Variants in RALGAPA2 observed in about 807,000 individuals in gnomAD.
The protein encoded by RALGAPA2 is Ral GTPase activating protein catalytic subunit alpha 2.
Under a neutral mutation model 230.4 loss-of-function variants are expected in RALGAPA2, and 139 were observed. That is an observed-to-expected ratio of 0.60 (90% CI 0.53 to 0.69). The LOEUF is 0.69. Among genes scored for constraint, RALGAPA2 ranks in the 30% least tolerant of loss-of-function variants. The pLI is 0.00. For missense variants in RALGAPA2, 2,163 were observed against 2,276.0 expected, an observed-to-expected ratio of 0.95 and a Z score of 1.01; for synonymous variants, 847 against 837.8, an observed-to-expected ratio of 1.01 and a Z score of -0.19.
At chr20:20,640,394 T>C (rs1193194293) in intron 6 of RALGAPA2, among the ~76,000 whole-genome samples, 1 of 152,188 alleles carries the variant, frequency 6.6e-6, no homozygotes, top group Non-Finnish European at 1.5e-5. Context: ...TGGAGTTTAA[T>C]CTCATTAACA....
At chr20:20,472,178 G>C (rs1236186221) in intron 37 of RALGAPA2, 2 of 152,092 alleles carry the variant, frequency 1.3e-5, no homozygotes, top group African/African-American at 4.8e-5. Context: ...AAAAATTTTA[G>C]GAGTGAAATT....
chr20:20,633,238 G>A (rs762878340), intron 9 of RALGAPA2, among the ~76,000 whole-genome samples: 5 of 151,862 alleles, frequency 3.3e-5, no homozygotes, highest in Admixed American at 6.6e-5. Flanking sequence ...AGGTTCAAGC[G>A]ATTCTCCTGC....
chr20:20,420,938 G>C (rs2060263227), intron 37 of RALGAPA2, among the ~76,000 whole-genome samples: 1 of 152,158 alleles, frequency 6.6e-6, no homozygotes, highest in African/African-American at 2.4e-5. Flanking sequence ...GGCCGCTTTT[G>C]GTATAGAGGA....
chr20:20,521,142 C>A, intron 30 of RALGAPA2, 42 bp from the exon 31 acceptor site: 1 of 1,503,656 alleles, frequency 6.7e-7, no homozygotes. Context: ...TGCTACTCAC[C>A]GCGTGTCCCC....
intron 14 of RALGAPA2, among the ~76,000 whole-genome samples, chr20:20,610,439 G>T (rs1687243012): frequency 6.6e-6 from 1 of 152,116 alleles, no homozygotes; most frequent in South Asian, 2.1e-4. Context: ...CACATGAGAT[G>T]CAAGAAGCAC....
In RALGAPA2 at chr20:20,495,279, C is replaced by T. The variant is rs773014673; in HGVS notation, c.5209-4G>A. On this transcript the variant is annotated splice_polypyrimidine_tract_variant and splice_region_variant and intron_variant, in intron 35 of 39. Coordinates refer to ENST00000202677, the MANE Select transcript of RALGAPA2 (RefSeq NM_020343.4). ...CGTCATTCCCCAAGTGACGAAGCTG[C>T]AACAGCAAATTGACTGTTTATTAAT... The T allele has an allele frequency of 1.3e-4, 203 of 1,515,398 alleles. No homozygotes were observed. The highest frequency in any genetic ancestry group is 1.8e-4 in the Non-Finnish European group (197 of 1,114,626). 93.9% of individuals were successfully genotyped at this position (1,515,398 alleles called of 1,614,324 possible). A position where few individuals can be genotyped will look rare whatever the true frequency, so the allele number is the denominator to read the frequency against.
At chr20:20,632,202 T>C (rs2066699669) in intron 9 of RALGAPA2, among the ~76,000 whole-genome samples, 1 of 151,016 alleles carries the variant, frequency 6.6e-6, no homozygotes, top group Non-Finnish European at 1.5e-5. Context: ...TTTTTTTGTA[T>C]TTTTTTTTCA....
chr20:20,575,396 G>A (rs916733005), intron 20 of RALGAPA2, among the ~76,000 whole-genome samples: 3 of 150,698 alleles, frequency 2.0e-5, no homozygotes, highest in Non-Finnish European at 4.4e-5. Context: ...ATATATGTAT[G>A]TTGAGTTTGT....
At chr20:20,487,912 GAA>G (rs79112449) in intron 36 of RALGAPA2, among the ~76,000 whole-genome samples, 14 of 109,758 alleles carry the variant, frequency 1.3e-4, no homozygotes, top group African/African-American at 2.4e-4. Flanking sequence ...ACTCGGTCTC[GAA>G]AAAAAAAAAA....
intron 7 of RALGAPA2, among the ~76,000 whole-genome samples, chr20:20,638,748 A>G (rs1430615198): frequency 6.6e-6 from 1 of 152,208 alleles, no homozygotes; most frequent in Non-Finnish European, 1.5e-5. Context: ...TTTCCAGAAT[A>G]TGAAAGCATG....
At position 20,485,045 on chromosome 20, in the gene RALGAPA2, A is replaced by ATT. The variant is rs777649458; in HGVS notation, c.5367+10070_5367+10071dup. On this transcript the variant is annotated intron_variant, in intron 36 of 39. Transcript: ENST00000202677. ...CGGAACTTTCTTAAAACATTATGAG[A>ATT]TTTTTTTTTTTTTTTGCAATTTTTT... 1.1e-3 allele frequency among the ~76,000 whole-genome samples: 149 copies of ATT among 137,444 alleles called. 1 individual carries two copies. Among genetic ancestry groups the ATT allele is most frequent in the Non-Finnish European group, 2.1e-3 (133 of 62,852 alleles). 90.2% of individuals were successfully genotyped at this position (137,444 alleles called of 152,430 possible). A position where few individuals can be genotyped will look rare whatever the true frequency, so the allele number is the denominator to read the frequency against.
At chr20:20,668,955 G>C (rs1343447942) in intron 3 of RALGAPA2, among the ~76,000 whole-genome samples, 1 of 152,182 alleles carries the variant, frequency 6.6e-6, no homozygotes, top group African/African-American at 2.4e-5. Flanking sequence ...ACACTTTACA[G>C]ACTATAAAGA....
intron 9 of RALGAPA2, among the ~76,000 whole-genome samples, chr20:20,632,058 T>C (rs369632204): frequency 4.0e-5 from 6 of 150,140 alleles, no homozygotes; most frequent in African/African-American, 1.5e-4. Context: ...AGAGTCTCGC[T>C]CAGTTGCCCA....
intron 23 of RALGAPA2, among the ~76,000 whole-genome samples, chr20:20,558,723 A>G (rs556743738): frequency 1.3e-5 from 2 of 150,254 alleles, no homozygotes; most frequent in African/African-American, 4.9e-5. Flanking sequence ...TAAGATTCCT[A>G]TTCTTCCCTG....
intron 38 of RALGAPA2, among the ~76,000 whole-genome samples, chr20:20,407,601 C>A (rs936637864): frequency 6.6e-6 from 1 of 152,058 alleles, no homozygotes; most frequent in African/African-American, 2.4e-5. Flanking sequence ...TGCTTTGGGG[C>A]GAATGTGTAA....
At chr20:20,594,011 G>A (rs566818831) in intron 16 of RALGAPA2, among the ~76,000 whole-genome samples, 116 of 152,204 alleles carry the variant, frequency 7.6e-4, no homozygotes, top group African/African-American at 2.5e-3. Flanking sequence ...CAGGAATAGC[G>A]GTCAGTAGCA....
At chr20:20,539,916 G>A (rs1351299361) in intron 24 of RALGAPA2, among the ~76,000 whole-genome samples, 1 of 152,148 alleles carries the variant, frequency 6.6e-6, no homozygotes, top group Non-Finnish European at 1.5e-5. Flanking sequence ...GTTCATTCAT[G>A]TTGTTGCAAA....
chr20:20,509,181 T>C (rs568103797), intron 33 of RALGAPA2, among the ~76,000 whole-genome samples: 45 of 152,216 alleles, frequency 3.0e-4, no homozygotes, highest in African/African-American at 1.1e-3. Flanking sequence ...AGAATTTCCA[T>C]AGAGAAGTTG....
intron 17 of RALGAPA2, among the ~76,000 whole-genome samples, chr20:20,590,528 A>G (rs965814976): frequency 1.2e-4 from 18 of 152,316 alleles, no homozygotes; most frequent in East Asian, 7.7e-4. Flanking sequence ...CCAAAACAGA[A>G]TAACTATTTC....
Sources: allele counts gnomAD v4.1 joint callset (sites outside exome capture counted in the v4.1 genomes callset), GRCh38; gene constraint gnomAD v4.1.1; transcripts MANE v1.5; gene names NCBI Gene and HGNC (gene_info 2026-07-23, HGNC 2026-07-21).